Variants in NKAIN2 observed in about 807,000 individuals in gnomAD.
NKAIN2 encodes sodium/potassium-transporting ATPase subunit beta-1-interacting protein 2.
A neutral mutation model predicts 32.6 loss-of-function variants in NKAIN2; 14 were observed. The observed-to-expected ratio is 0.43, with a 90% CI of 0.28 to 0.67. NKAIN2 has a LOEUF of 0.67. Among genes scored for constraint, NKAIN2 ranks in the 30% least tolerant of loss-of-function variants. NKAIN2 has a pLI of 0.17. For synonymous variants in NKAIN2, 80 were observed against 87.2 expected, an observed-to-expected ratio of 0.92 and a Z score of 0.46; for missense variants, 198 against 258.3, an observed-to-expected ratio of 0.77 and a Z score of 1.60.
chr6:123,900,532 G>GGTTTTTTT (rs1774516637), intron 1 of NKAIN2, among the ~76,000 whole-genome samples: 2 of 32,764 alleles, frequency 6.1e-5, no homozygotes, highest in Non-Finnish European at 2.2e-4. Flanking sequence ...CTCCAGATTA[G>GGTTTTTTT]TTTTTTTTTT....
intron 1 of NKAIN2, among the ~76,000 whole-genome samples, chr6:124,179,265 A>C (rs1789316179): frequency 6.6e-6 from 1 of 152,168 alleles, no homozygotes; most frequent in South Asian, 2.1e-4. Flanking sequence ...GTGACTGGGG[A>C]AGAGTTTGTC....
chr6:124,566,330 G>A (rs1435217114), intron 3 of NKAIN2, among the ~76,000 whole-genome samples: 5 of 152,108 alleles, frequency 3.3e-5, no homozygotes, highest in African/African-American at 1.2e-4. Context: ...ACCATTCCTT[G>A]TGATAATTTT....
intron 1 of NKAIN2, among the ~76,000 whole-genome samples, chr6:124,117,760 T>C (rs1785685024): frequency 6.6e-6 from 1 of 151,884 alleles, no homozygotes; most frequent in South Asian, 2.1e-4. Context: ...ATGCAGTGAT[T>C]CAATAGCTTT....
At chr6:124,613,994 T>C (rs1294232033) in intron 3 of NKAIN2, among the ~76,000 whole-genome samples, 1 of 152,238 alleles carries the variant, frequency 6.6e-6, no homozygotes, top group Non-Finnish European at 1.5e-5. Context: ...AGTAAAATGA[T>C]CAGGTCATTT....
chr6:124,547,323 A>G (rs1016059745), intron 3 of NKAIN2, among the ~76,000 whole-genome samples: 11 of 152,162 alleles, frequency 7.2e-5, no homozygotes, highest in African/African-American at 2.2e-4. Flanking sequence ...TAGCAGTTCA[A>G]GTAAAATAGA....
At chr6:123,880,123 A>G (rs1383265703) in intron 1 of NKAIN2, among the ~76,000 whole-genome samples, 4 of 152,194 alleles carry the variant, frequency 2.6e-5, no homozygotes, top group Non-Finnish European at 5.9e-5. Context: ...GGGAGAGAAG[A>G]GCACGAGGCA....
intron 1 of NKAIN2, among the ~76,000 whole-genome samples, chr6:124,203,102 C>G (rs112782334): frequency 6.6e-6 from 1 of 151,850 alleles, no homozygotes; most frequent in African/African-American, 2.4e-5. Context: ...CTCAATCTGT[C>G]TGTTTTGTAC....
chr6:124,140,448 G>A (rs1019720319), intron 1 of NKAIN2, among the ~76,000 whole-genome samples: 19 of 152,062 alleles, frequency 1.2e-4, no homozygotes, highest in African/African-American at 4.6e-4. Context: ...TCTATGCAGT[G>A]GATTTTATGA....
At chr6:124,606,027 A>G (rs1268464783) in intron 3 of NKAIN2, among the ~76,000 whole-genome samples, 3 of 152,092 alleles carry the variant, frequency 2.0e-5, no homozygotes, top group African/African-American at 7.2e-5. Context: ...TTGAAAGATA[A>G]GGGTTTGGAC....
chr6:123,824,214 C>T (rs934141547), intron 1 of NKAIN2, among the ~76,000 whole-genome samples: 1 of 152,068 alleles, frequency 6.6e-6, no homozygotes, highest in Non-Finnish European at 1.5e-5. Context: ...TCCAGACAGA[C>T]GGATCTCACA....
intron 1 of NKAIN2, among the ~76,000 whole-genome samples, chr6:123,919,089 A>G (rs1353526745): frequency 6.6e-6 from 1 of 152,130 alleles, no homozygotes; most frequent in Non-Finnish European, 1.5e-5. Flanking sequence ...AAAAACCAAC[A>G]AAAGAATTAT....
chr6:124,345,352 T>C (rs996852912), intron 2 of NKAIN2, among the ~76,000 whole-genome samples: 4 of 152,210 alleles, frequency 2.6e-5, no homozygotes, highest in African/African-American at 7.2e-5. Context: ...CCTCATAAAA[T>C]GAGTTAGGGA....
intron 1 of NKAIN2, among the ~76,000 whole-genome samples, chr6:123,846,846 A>G (rs1012193696): frequency 1.2e-4 from 18 of 150,508 alleles, no homozygotes; most frequent in African/African-American, 4.4e-4. Context: ...GCACGCGCGC[A>G]CACACACACA....
chr6:123,919,213 A>G (rs554478000), intron 1 of NKAIN2, among the ~76,000 whole-genome samples: 1 of 152,144 alleles, frequency 6.6e-6, no homozygotes, highest in Non-Finnish European at 1.5e-5. Context: ...TCATAAACAT[A>G]TATATACATA....
chr6:124,260,344 A>G (rs1434886382), intron 1 of NKAIN2, among the ~76,000 whole-genome samples: 3 of 152,090 alleles, frequency 2.0e-5, no homozygotes, highest in Admixed American at 6.5e-5. Flanking sequence ...GAGAAATAAT[A>G]AAACAGAAAT....
At chr6:123,996,684 G>A (rs1194820352) in intron 1 of NKAIN2, among the ~76,000 whole-genome samples, 2 of 151,924 alleles carry the variant, frequency 1.3e-5, no homozygotes, top group Non-Finnish European at 2.9e-5. Flanking sequence ...CTTTATTCTT[G>A]TTGACATAAT....
At chr6:124,817,342 AG>A (rs2114875661) in intron 5 of NKAIN2, among the ~76,000 whole-genome samples, 1 of 152,218 alleles carries the variant, frequency 6.6e-6, no homozygotes, top group African/African-American at 2.4e-5. Context: ...GGAAGCCAAA[AG>A]ACTGGACACC....
chr6:124,379,134 AG>A (rs1562141454), intron 3 of NKAIN2, among the ~76,000 whole-genome samples: 4 of 45,086 alleles, frequency 8.9e-5, no homozygotes, highest in Non-Finnish European at 1.7e-4. Flanking sequence ...AGGGGAGGAG[AG>A]GGGAGGGGAG....
chr6:124,239,792 G>A (rs1275696348), intron 1 of NKAIN2, among the ~76,000 whole-genome samples: 5 of 152,006 alleles, frequency 3.3e-5, no homozygotes, highest in South Asian at 2.1e-4. Context: ...TGGAGAAAGC[G>A]GGAAAGATCT....
Sources: gnomAD v4.1 joint callset for allele counts (sites outside exome capture counted in the v4.1 genomes callset) on GRCh38, gnomAD v4.1.1 for gene constraint, MANE v1.5 for transcripts, NCBI Gene and HGNC (gene_info 2026-07-23, HGNC 2026-07-21) for gene names.